Variants in CDH1 observed in about 807,000 individuals in gnomAD.
CDH1 encodes the protein cadherin 1.
Under a neutral mutation model 84.5 loss-of-function variants are expected in CDH1, and 35 were observed. The observed-to-expected ratio is 0.41, with a 90% CI of 0.32 to 0.55. The LOEUF (loss-of-function observed/expected upper bound fraction) is 0.55, where lower values mean the gene tolerates loss of function less well. Among genes scored for constraint, CDH1 ranks in the 20% least tolerant of loss-of-function variants. CDH1 has a pLI of 0.19. For missense variants in CDH1, 994 were observed against 1,126.6 expected (o/e 0.88, Z 1.68); for synonymous variants, 417 against 439.0 (o/e 0.95, Z 0.63).
chr16:68,760,728 T>A (rs1422965364), intron 2 of CDH1, among the ~76,000 whole-genome samples: 1 of 152,138 alleles, frequency 6.6e-6, no homozygotes, highest in African/African-American at 2.4e-5. Context: ...CCAGGGGTGA[T>A]AGAAAACACT....
chr16:68,826,861 A>T (rs1338769962), intron 13 of CDH1, among the ~76,000 whole-genome samples: 1 of 152,190 alleles, frequency 6.6e-6, no homozygotes, highest in Non-Finnish European at 1.5e-5. Context: ...ATCATGGACA[A>T]GGGAGTTATG....
intron 2 of CDH1, among the ~76,000 whole-genome samples, chr16:68,751,038 C>A (rs1962872451): frequency 6.6e-6 from 1 of 152,168 alleles, no homozygotes; most frequent in Admixed American, 6.6e-5. Context: ...CATGTCTTCA[C>A]CTTCATTGTC....
In CDH1 at chr16:68,816,550, C is replaced by A. The variant is rs530018490; in HGVS notation, c.1565+791C>A. 7.6e-4 allele frequency among the ~76,000 whole-genome samples: 115 copies of A among 152,272 alleles called. 3 individuals carry two copies. In the South Asian group the frequency reaches 0.023, roughly 31 times the overall value. ...CACTTTGAGGCCAGGTGTTGAAGAC[C>A]AGTCTGGCCAACATGGTGAAACCCC... On this transcript the variant is annotated intron_variant, in intron 10 of 15. Coordinates refer to ENST00000261769, the MANE Select transcript of CDH1 (RefSeq NM_004360.5).
rs1960969012 is a variant in CDH1 at position 68,815,711 on chromosome 16, C to T, written c.1517C>T (p.Thr506Ile). ...SEDFGVGQEI[T>I]SYTAQEPDTF... ...GACTTTGGCGTGGGCCAGGAAATCA[C>T]ATCCTACACTGCCCAGGAGCCAGAC... Residue 506 changes from threonine to isoleucine, a missense_variant, in exon 10 of 16, where the codon ACA (threonine) becomes ATA (isoleucine). By Grantham distance (89) the Thr-to-Ile change is moderately conservative. Coordinates refer to ENST00000261769, the MANE Select transcript of CDH1 (RefSeq NM_004360.5). 6.2e-7 allele frequency: 1 copy of T among 1,614,254 alleles called. No individual in the cohort carries two copies. The highest frequency in any genetic ancestry group is 8.5e-7 in the Non-Finnish European group (1 of 1,180,050).
intron 2 of CDH1, among the ~76,000 whole-genome samples, chr16:68,770,162 T>C (rs1008613831): frequency 7.2e-5 from 11 of 152,122 alleles, no homozygotes; most frequent in Non-Finnish European, 2.9e-5. Context: ...GAAGGGCTTT[T>C]GGGGCCACCT....
intron 12 of CDH1, chr16:68,822,450 G>A (rs1961181692): frequency 3.3e-6 from 2 of 598,446 alleles, no homozygotes; most frequent in East Asian, 2.9e-5. Flanking sequence ...ACCCAAGCAG[G>A]GCTCCCTCTC....
rs71148949 is a variant in CDH1 at position 68,777,534 on chromosome 16, C to CTTT, written c.164-24115_164-24113dup. Among the ~76,000 whole-genome samples the CTTT allele has an allele frequency of 9.1e-3, 698 of 76,882 alleles. 35 individuals carry two copies. The highest frequency in any genetic ancestry group is 0.023 in the African/African-American group (477 of 20,400). 50.4% of individuals were successfully genotyped at this position (76,882 alleles called of 152,430 possible). A position where few individuals can be genotyped will look rare whatever the true frequency, so the allele number is the denominator to read the frequency against. ...AGTGTTCTAGAAAAGGTAATGTTTC[C>CTTT]TTTTTTTTTTTTTTTTTTTTTTTGA... On this transcript the variant is annotated intron_variant, in intron 2 of 15. Transcript: ENST00000261769.
chr16:68,769,112 A>C (rs992840517), intron 2 of CDH1, among the ~76,000 whole-genome samples: 11 of 152,176 alleles, frequency 7.2e-5, no homozygotes, highest in Non-Finnish European at 1.5e-4. Context: ...CTCTCTTTGA[A>C]TATGAGCTCC....
chr16:68,751,567 A>G (rs1400076530), intron 2 of CDH1, among the ~76,000 whole-genome samples: 3 of 152,130 alleles, frequency 2.0e-5, no homozygotes, highest in East Asian at 3.9e-4. Flanking sequence ...CAGTGGCGCA[A>G]TCTCGGCTCA....
Position 68,815,616 on chromosome 16 carries a change from C to T in CDH1, c.1422C>T (p.Thr474=), listed in dbSNP as rs375843744. Residue 474 remains threonine (T), a synonymous_variant, in exon 10 of 16, where the codon ACC becomes ACT. Coordinates refer to ENST00000261769, the MANE Select transcript of CDH1 (RefSeq NM_004360.5). ...VSLTTSTATV[T]VDVLDVNEAP... ...TCACCACCTCCACAGCCACCGTCAC[C>T]GTGGATGTGCTGGATGTGAATGAAG... 45 of 1,614,062 alleles carry T rather than the reference C, an allele frequency of 2.8e-5. No individual in the cohort carries two copies. The highest frequency in any genetic ancestry group is 1.1e-4 in the African/African-American group (8 of 74,924).
rs587781404 is a variant in CDH1, at chr16:68,801,739, G to A, written c.233G>A (p.Gly78Asp). ...TCCCTCGACACCCGATTCAAAGTGGGCACAGATGGTGTGATTACAGTCAAA... is the reference window on the plus strand; with the variant it reads ...TCCCTCGACACCCGATTCAAAGTGGACACAGATGGTGTGATTACAGTCAAA... ...YFSLDTRFKV[G>D]TDGVITVKRP... The change falls in exon 3 of 16, where the codon GGC (glycine) becomes GAC (aspartate). Residue 78 changes from glycine to aspartate, a missense_variant. Physicochemically the swap from Gly to Asp is moderately conservative, Grantham distance 94. Coordinates refer to ENST00000261769, the MANE Select transcript of CDH1 (RefSeq NM_004360.5). 1.2e-6 allele frequency: 2 copies of A among 1,614,016 alleles called. No individual in the cohort carries two copies. The highest frequency in any genetic ancestry group is 1.7e-6 in the Non-Finnish European group (2 of 1,180,018).
intron 2 of CDH1, among the ~76,000 whole-genome samples, chr16:68,760,266 ATTTT>A (rs11396600): frequency 1.0e-5 from 1 of 97,986 alleles, no homozygotes; most frequent in East Asian, 3.0e-4. Flanking sequence ...CGCCCAGCTA[ATTTT>A]TTTTTTTTTT....
At chr16:68,752,502 G>A (rs189997283) in intron 2 of CDH1, among the ~76,000 whole-genome samples, 180 of 152,282 alleles carry the variant, frequency 1.2e-3, no homozygotes, top group African/African-American at 3.7e-3. Flanking sequence ...GTAAGTATCC[G>A]AAGGAATGAA....
In CDH1 at chr16:68,764,402, C is replaced by T. The variant is rs544382897; in HGVS notation, c.163+25991C>T. On this transcript the variant is annotated intron_variant, in intron 2 of 15. Transcript: ENST00000261769. Reference sequence around the variant, plus strand: ...GACCAGCCTGGCCAACATGGCGAATCCCCATCTCTACTAAAAATACAAAAA... The same window carrying T: ...GACCAGCCTGGCCAACATGGCGAATTCCCATCTCTACTAAAAATACAAAAA... 8.5e-4 allele frequency among the ~76,000 whole-genome samples: 129 copies of T among 152,296 alleles called. 2 individuals are homozygous for T. Among genetic ancestry groups the T allele is most frequent in the African/African-American group, 2.9e-3 (120 of 41,572 alleles).
At chr16:68,817,938 T>G (rs1331664847) in intron 10 of CDH1, among the ~76,000 whole-genome samples, 1 of 152,006 alleles carries the variant, frequency 6.6e-6, no homozygotes, top group Non-Finnish European at 1.5e-5. Flanking sequence ...AAGTTTTGTT[T>G]CCTAAAATTG....
At chr16:68,777,440 G>A (rs1959761636) in intron 2 of CDH1, among the ~76,000 whole-genome samples, 1 of 151,882 alleles carries the variant, frequency 6.6e-6, no homozygotes, top group African/African-American at 2.4e-5. Context: ...AGCATTAGCT[G>A]CTAATATTAT....
At chr16:68,772,179 G>A (rs750443531) in intron 2 of CDH1, among the ~76,000 whole-genome samples, 6 of 152,160 alleles carry the variant, frequency 3.9e-5, no homozygotes, top group Non-Finnish European at 5.9e-5. Flanking sequence ...AATTGGCCCC[G>A]TGTTGCCACA....
intron 2 of CDH1, among the ~76,000 whole-genome samples, chr16:68,756,589 G>A (rs993580989): frequency 6.6e-6 from 1 of 152,122 alleles, no homozygotes; most frequent in Non-Finnish European, 1.5e-5. Flanking sequence ...GCTTGGTGAC[G>A]TTCATGTGGC....
chr16:68,750,150 C>CATTTTTTTTTTTTTT lies in CDH1; in HGVS notation c.163+11739_163+11740insATTTTTTTTTTTTTT, dbSNP rs1555510841. ...TTTTGATTGTGATGCTAGAATTCAG[C>CATTTTTTTTTTTTTT]TTTTTTTTTTGCCTTTGGAAGGCCT... is the stretch of plus-strand genomic sequence containing the variant. On this transcript the variant is annotated intron_variant, in intron 2 of 15. Coordinates refer to ENST00000261769, the MANE Select transcript of CDH1 (RefSeq NM_004360.5). Among the ~76,000 whole-genome samples the CATTTTTTTTTTTTTT allele has an allele frequency of 1.0e-4, 8 of 79,094 alleles. 1 individual carries two copies. The highest frequency in any genetic ancestry group is 1.8e-4 in the Non-Finnish European group (7 of 38,556). The allele number at this position is 79,094 out of a possible 152,430, so 51.9% of individuals were successfully genotyped here.
Sources: allele counts gnomAD v4.1 joint callset (sites outside exome capture counted in the v4.1 genomes callset), GRCh38; gene constraint gnomAD v4.1.1; transcripts MANE v1.5; gene names NCBI Gene and HGNC (gene_info 2026-07-23, HGNC 2026-07-21).